AUTS2: variants seen among roughly 807,000 people sequenced by gnomAD.
AUTS2 encodes the protein autism susceptibility gene 2 protein.
AUTS2 carries 17 observed loss-of-function variants against 112.4 expected under a neutral mutation model. The observed-to-expected ratio is 0.15, with a 90% CI of 0.10 to 0.23. The LOEUF (loss-of-function observed/expected upper bound fraction) is 0.23. Ranked by LOEUF, AUTS2 falls within the 10% of genes least tolerant of loss-of-function variation. AUTS2 has a pLI of 1.00. For missense variants in AUTS2, 1,510 were observed against 1,701.6 expected (o/e 0.89, Z 1.98); for synonymous variants, 751 against 702.7 (o/e 1.07, Z -1.09).
chr7:69,909,157 T>C (rs960361981), intron 2 of AUTS2, among the ~76,000 whole-genome samples: 8 of 152,256 alleles, frequency 5.3e-5, no homozygotes. Flanking sequence ...TATCAATAAT[T>C]GGATCATATT....
chr7:70,750,475 ACC>A (rs1788745703), intron 6 of AUTS2, among the ~76,000 whole-genome samples: 3 of 80,342 alleles, frequency 3.7e-5, no homozygotes, highest in Non-Finnish European at 6.4e-5. Context: ...TGTTCCTCCC[ACC>A]TCACCCTCCA....
At chr7:69,747,242 C>G (rs1313539354) in intron 1 of AUTS2, among the ~76,000 whole-genome samples, 7 of 152,202 alleles carry the variant, frequency 4.6e-5, no homozygotes, top group African/African-American at 1.4e-4. Flanking sequence ...AACCACTGCT[C>G]TGGTGAATGG....
At chr7:70,256,095 G>A (rs1786854727) in intron 4 of AUTS2, among the ~76,000 whole-genome samples, 1 of 152,164 alleles carries the variant, frequency 6.6e-6, no homozygotes, top group African/African-American at 2.4e-5. Flanking sequence ...GTCTCTAGGT[G>A]TTCTCCTACT....
chr7:69,874,720 G>A (rs1375413601), intron 1 of AUTS2, among the ~76,000 whole-genome samples: 8 of 152,012 alleles, frequency 5.3e-5, no homozygotes, highest in African/African-American at 1.7e-4. Context: ...GTGCAGTGAC[G>A]CGATCTCGGC....
At chr7:69,929,983 A>G (rs1796168070) in intron 2 of AUTS2, among the ~76,000 whole-genome samples, 1 of 152,188 alleles carries the variant, frequency 6.6e-6, no homozygotes, top group Admixed American at 6.5e-5. Context: ...CAGTAAAGTT[A>G]CTTAGAAAAA....
chr7:70,538,587 C>A (rs1800420351), intron 5 of AUTS2, among the ~76,000 whole-genome samples: 1 of 152,166 alleles, frequency 6.6e-6, no homozygotes, highest in African/African-American at 2.4e-5. Context: ...GCAGTAATAG[C>A]ATAGTCTTTA....
intron 2 of AUTS2, among the ~76,000 whole-genome samples, chr7:70,044,827 A>G (rs371734385): frequency 6.6e-6 from 1 of 152,214 alleles, no homozygotes; most frequent in Non-Finnish European, 1.5e-5. Context: ...ACCAGATTCA[A>G]CTGTATTCCA....
At chr7:70,498,558 G>A (rs1177512822) in intron 5 of AUTS2, among the ~76,000 whole-genome samples, 2 of 152,172 alleles carry the variant, frequency 1.3e-5, no homozygotes, top group African/African-American at 4.8e-5. Context: ...TAAGCAGAGG[G>A]TGTAGGAAGG....
At chr7:70,656,867 T>G (rs553055148) in intron 5 of AUTS2, among the ~76,000 whole-genome samples, 67 of 152,194 alleles carry the variant, frequency 4.4e-4, no homozygotes, top group Middle Eastern at 3.4e-3. Flanking sequence ...AGCTGAATTT[T>G]AACATGCAAA....
intron 1 of AUTS2, among the ~76,000 whole-genome samples, chr7:69,735,542 G>A (rs1278786101): frequency 1.3e-5 from 2 of 152,144 alleles, no homozygotes; most frequent in African/African-American, 4.8e-5. Flanking sequence ...CCTGTTTTTA[G>A]ACTATCAGTT....
chr7:70,490,278 C>T (rs1054965112), intron 5 of AUTS2, among the ~76,000 whole-genome samples: 23 of 151,592 alleles, frequency 1.5e-4, no homozygotes, highest in Non-Finnish European at 2.2e-4. Flanking sequence ...CTAGAATGAA[C>T]GAGAAACAAA....
At chr7:70,478,367 C>G (rs1797661307) in intron 5 of AUTS2, among the ~76,000 whole-genome samples, 1 of 152,064 alleles carries the variant, frequency 6.6e-6, no homozygotes, top group Non-Finnish European at 1.5e-5. Flanking sequence ...GACACAGAGG[C>G]CTCCCATTCA....
chr7:69,977,013 C>A (rs1798086496), intron 2 of AUTS2, among the ~76,000 whole-genome samples: 1 of 152,166 alleles, frequency 6.6e-6, no homozygotes, highest in Non-Finnish European at 1.5e-5. Context: ...GAAAGATTGT[C>A]AAATCCAATG....
In AUTS2 at chr7:69,600,681, TTATAA is replaced by T. The variant is rs1792350815; in HGVS notation, c.309+723_309+727del. On this transcript the variant is annotated intron_variant, in intron 1 of 18. Coordinates refer to ENST00000342771, the MANE Select transcript of AUTS2 (RefSeq NM_015570.4). Reference sequence around the variant, plus strand: ...GGGGTTCTGTTACAGAAAGGGTTAATTATAATATTATCTATACACATACATAGGCA... The same window carrying T: ...GGGGTTCTGTTACAGAAAGGGTTAATTATTATCTATACACATACATAGGCA... Among the ~76,000 whole-genome samples the T allele has an allele frequency of 2.0e-5, 3 of 151,500 alleles. 1 individual carries two copies. In the South Asian group the frequency reaches 6.3e-4, roughly 32 times the overall value.
At chr7:70,691,904 CT>C (rs1450270635) in intron 5 of AUTS2, among the ~76,000 whole-genome samples, 1 of 125,400 alleles carries the variant, frequency 8.0e-6, no homozygotes, top group Non-Finnish European at 1.6e-5. Flanking sequence ...GAGATAAAGT[CT>C]TACTCTGTTG....
intron 1 of AUTS2, among the ~76,000 whole-genome samples, chr7:69,796,045 A>C (rs886638140): frequency 6.6e-6 from 1 of 152,218 alleles, no homozygotes; most frequent in African/African-American, 2.4e-5. Context: ...TCTGTCAGGC[A>C]TTAACATTCA....
intron 4 of AUTS2, among the ~76,000 whole-genome samples, chr7:70,329,564 A>G (rs1585024079): frequency 1.3e-5 from 2 of 150,188 alleles, no homozygotes; most frequent in Middle Eastern, 3.5e-3. Context: ...GGCCATTTTT[A>G]TATTTTTTTT....
chr7:70,700,697 T>C (rs1236290938), intron 6 of AUTS2, among the ~76,000 whole-genome samples: 2 of 152,194 alleles, frequency 1.3e-5, no homozygotes, highest in Non-Finnish European at 2.9e-5. Context: ...AAAAAGGGAT[T>C]CATTGTGTAG....
chr7:70,474,974 C>G (rs941452826), intron 5 of AUTS2, among the ~76,000 whole-genome samples: 32 of 152,284 alleles, frequency 2.1e-4, no homozygotes, highest in Admixed American at 3.3e-4. Context: ...TTCCCAGAAT[C>G]AGGTTACCCT....
Sources: gnomAD v4.1 joint callset for allele counts (sites outside exome capture counted in the v4.1 genomes callset) on GRCh38, gnomAD v4.1.1 for gene constraint, MANE v1.5 for transcripts, NCBI Gene and HGNC (gene_info 2026-07-23, HGNC 2026-07-21) for gene names.